The following PDE1A variants were observed in gnomAD, a reference collection of about 807,000 sequenced individuals.
PDE1A encodes the protein dual specificity calcium/calmodulin-dependent 3',5'-cyclic nucleotide phosphodiesterase 1A.
Under a neutral mutation model 61.7 loss-of-function variants are expected in PDE1A, and 35 were observed. The observed-to-expected ratio is 0.57, with a 90% CI of 0.43 to 0.75. The LOEUF is 0.75. Ranked by LOEUF, PDE1A falls within the 30% of genes least tolerant of loss-of-function variation. PDE1A has a pLI of 0.00. For missense variants in PDE1A, 597 were observed against 630.6 expected, an observed-to-expected ratio of 0.95 and a Z score of 0.57; for synonymous variants, 232 against 213.2, an observed-to-expected ratio of 1.09 and a Z score of -0.77.
intron 2 of PDE1A, among the ~76,000 whole-genome samples, chr2:182,485,791 T>G (rs1687983441): frequency 6.6e-6 from 1 of 152,052 alleles, no homozygotes; most frequent in Non-Finnish European, 1.5e-5. Context: ...CAAAATCTAA[T>G]ACATATTCAT....
At chr2:182,155,658 G>A (rs1174907460) in intron 13 of PDE1A, among the ~76,000 whole-genome samples, 3 of 152,210 alleles carry the variant, frequency 2.0e-5, no homozygotes, top group Non-Finnish European at 4.4e-5. Context: ...GGGAGGCAGA[G>A]CCTGGTGGAT....
the PDE1A span, among the ~76,000 whole-genome samples, chr2:182,556,880 T>C: frequency 1.4e-4 from 22 of 152,224 alleles, no homozygotes; most frequent in East Asian, 1.7e-3. Flanking sequence ...TACATGTATA[T>C]TGTTAACGAA....
the PDE1A span, among the ~76,000 whole-genome samples, chr2:182,601,652 G>A: frequency 1.3e-5 from 2 of 152,098 alleles, no homozygotes; most frequent in African/African-American, 2.4e-5. Context: ...ACCTGCTGTG[G>A]GTAGCTCCTT....
the PDE1A span, among the ~76,000 whole-genome samples, chr2:182,572,126 C>A: frequency 5.3e-5 from 8 of 152,104 alleles, no homozygotes; most frequent in African/African-American, 1.9e-4. Flanking sequence ...TGACATTGAG[C>A]AAATGTTCAA....
intron 10 of PDE1A, among the ~76,000 whole-genome samples, chr2:182,189,559 A>T (rs992184873): frequency 3.3e-5 from 5 of 152,232 alleles, no homozygotes; most frequent in African/African-American, 1.2e-4. Flanking sequence ...TCCACAACAT[A>T]TAATGAGGAA....
intron 1 of PDE1A, among the ~76,000 whole-genome samples, chr2:182,271,952 G>C (rs1015496672): frequency 6.6e-6 from 1 of 152,154 alleles, no homozygotes. Context: ...TTTTTAAATG[G>C]AATAAATGGT....
At chr2:182,452,918 A>C (rs961725343) in intron 2 of PDE1A, among the ~76,000 whole-genome samples, 42 of 152,252 alleles carry the variant, frequency 2.8e-4, no homozygotes, top group African/African-American at 1.0e-3. Context: ...CCCTGTAAAT[A>C]GGTACTAGCC....
chr2:182,713,986 C>T, the PDE1A span, among the ~76,000 whole-genome samples: 1 of 152,190 alleles, frequency 6.6e-6, no homozygotes, highest in Non-Finnish European at 1.5e-5. Flanking sequence ...ATTGCCAGAC[C>T]TAATTAACAA....
the PDE1A span, among the ~76,000 whole-genome samples, chr2:182,602,293 G>C: frequency 6.6e-6 from 1 of 152,186 alleles, no homozygotes; most frequent in East Asian, 1.9e-4. Context: ...GCTCTCACTG[G>C]CTCCATGGAG....
chr2:182,503,072 C>CACACAT (rs1303836690), intron 2 of PDE1A, among the ~76,000 whole-genome samples: 1 of 20,856 alleles, frequency 4.8e-5, no homozygotes, highest in African/African-American at 8.4e-5. Flanking sequence ...CACACACACA[C>CACACAT]ATACACACAC....
At chr2:182,146,187 C>G (rs2125260690), downstream of PDE1A, among the ~76,000 whole-genome samples, 1 of 152,282 alleles carries the variant, frequency 6.6e-6, no homozygotes, top group South Asian at 2.1e-4. Flanking sequence ...TATCAACAGA[C>G]TGGCTTATCA....
At chr2:182,444,902 A>G (rs948204073) in intron 2 of PDE1A, among the ~76,000 whole-genome samples, 4 of 152,146 alleles carry the variant, frequency 2.6e-5, no homozygotes, top group Non-Finnish European at 4.4e-5. Context: ...AGTGGAAAAG[A>G]TAGCTAATCC....
chr2:182,246,224 C>T (rs2368276), intron 2 of PDE1A, among the ~76,000 whole-genome samples: 108,335 of 152,038 alleles, frequency 0.71, 39,055 homozygotes, highest in African/African-American at 0.83. Context: ...CTTGCTTTTG[C>T]CTCAGGGCCT....
chr2:182,695,680 A>G, the PDE1A span, among the ~76,000 whole-genome samples: 80 of 97,842 alleles, frequency 8.2e-4, 1 homozygote, highest in Non-Finnish European at 1.7e-3. Context: ...AAAAAAAAAA[A>G]AAAAAGAAAA....
chr2:182,230,418 T>C (rs1311963011), intron 5 of PDE1A, among the ~76,000 whole-genome samples: 1 of 152,018 alleles, frequency 6.6e-6, no homozygotes, highest in Non-Finnish European at 1.5e-5. Flanking sequence ...TTCCGGAGAG[T>C]AGGAAGGCTA....
the PDE1A span, among the ~76,000 whole-genome samples, chr2:182,631,303 A>T: frequency 7.2e-5 from 11 of 151,890 alleles, no homozygotes; most frequent in Admixed American, 2.6e-4. Flanking sequence ...TTAATTAATT[A>T]ATTTATTCAT....
At position 182,403,427 on chromosome 2, in the gene PDE1A, G is replaced by A. The variant is rs183178319; in HGVS notation, c.53+23151C>T. Among the ~76,000 whole-genome samples the A allele has an allele frequency of 1.2e-4, 18 of 151,850 alleles. No homozygotes were observed. The East Asian group carries it at 2.9e-3, about 25-fold the overall frequency. The stretch of plus-strand genomic sequence containing the variant: ...ATCCTGGCTAACACGGTGAAACCCC[G>A]TCTCTACTAAAAATACAAAAAATTA... On this transcript the variant is annotated intron_variant, in intron 1 of 13. Coordinates refer to ENST00000351439, the Ensembl canonical transcript of PDE1A.
chr2:182,686,852 G>C, the PDE1A span, among the ~76,000 whole-genome samples: 1 of 152,222 alleles, frequency 6.6e-6, no homozygotes, highest in African/African-American at 2.4e-5. Context: ...TTTTCCAATG[G>C]TCTTAGCAAA....
At chr2:182,166,206 G>T (rs1015341226), downstream of PDE1A, among the ~76,000 whole-genome samples, 2 of 152,052 alleles carry the variant, frequency 1.3e-5, no homozygotes, top group Non-Finnish European at 1.5e-5. Flanking sequence ...ATTGTTTTGG[G>T]GTGTGCCTAG....
Sources: allele counts gnomAD v4.1 joint callset (sites outside exome capture counted in the v4.1 genomes callset), GRCh38; gene constraint gnomAD v4.1.1; transcripts MANE v1.5; gene names NCBI Gene and HGNC (gene_info 2026-07-23, HGNC 2026-07-21).